KIF13B: variants seen among roughly 807,000 people sequenced by gnomAD.
KIF13B encodes kinesin-like protein KIF13B.
KIF13B carries 127 observed loss-of-function variants against 222.0 expected under a neutral mutation model. The observed-to-expected ratio is 0.57, with a 90% CI of 0.50 to 0.66. The LOEUF is 0.66. Among genes scored for constraint, KIF13B ranks in the 30% least tolerant of loss-of-function variants. The pLI, the probability that KIF13B is intolerant of heterozygous loss-of-function variation, is 0.00. For missense variants in KIF13B, 2,173 were observed against 2,379.0 expected, an observed-to-expected ratio of 0.91 and a Z score of 1.80; for synonymous variants, 976 against 919.0, an observed-to-expected ratio of 1.06 and a Z score of -1.12.
chr8:29,166,704 CA>C (rs67653605), intron 11 of KIF13B, among the ~76,000 whole-genome samples: 137 of 128,112 alleles, frequency 1.1e-3, no homozygotes, highest in African/African-American at 3.2e-3. Flanking sequence ...AACTCCACCT[CA>C]AAAAAAAAAA....
intron 38 of KIF13B, among the ~76,000 whole-genome samples, chr8:29,074,052 C>A (rs1316151998): frequency 6.6e-6 from 1 of 152,132 alleles, no homozygotes; most frequent in Non-Finnish European, 1.5e-5. Context: ...ACTATGAGAG[C>A]CGGGAATCTG....
intron 9 of KIF13B, 28 bp from the exon 10 acceptor site, chr8:29,176,207 T>G: frequency 7.6e-7 from 1 of 1,321,860 alleles, no homozygotes; most frequent in Non-Finnish European, 1.1e-6. Context: ...CCAAAATAAT[T>G]ACAAAAATGA....
rs193036436 is a variant in KIF13B at position 29,079,931 on chromosome 8, T to C, written c.4459-4588A>G. 1.1e-4 allele frequency among the ~76,000 whole-genome samples: 16 copies of C among 152,284 alleles called. No homozygotes were observed. In the East Asian group the frequency reaches 2.5e-3, roughly 24 times the overall value. On this transcript the variant is annotated intron_variant, in intron 37 of 39. Transcript: ENST00000524189. ...CAAATAGTTAGTAGCCAATCTTTCA[T>C]TTTCCTGCTGCTGAAGCGTGAAAAA... is the stretch of plus-strand genomic sequence containing the variant.
chr8:29,253,615 A>AT (rs570229670), intron 1 of KIF13B, among the ~76,000 whole-genome samples: 1 of 152,142 alleles, frequency 6.6e-6, no homozygotes, highest in South Asian at 2.1e-4. Flanking sequence ...AGAAACAGGT[A>AT]TTTAAAAAAC....
intron 10 of KIF13B, among the ~76,000 whole-genome samples, chr8:29,175,225 T>C (rs568226154): frequency 6.6e-6 from 1 of 152,150 alleles, no homozygotes; most frequent in Non-Finnish European, 1.5e-5. Context: ...CAGTCCGATA[T>C]CCAACTCACC....
At chr8:29,152,780 G>T (rs1040006053) in intron 14 of KIF13B, among the ~76,000 whole-genome samples, 1 of 152,236 alleles carries the variant, frequency 6.6e-6, no homozygotes. Flanking sequence ...GTCTTGCCAT[G>T]TTGGTCAGGC....
intron 36 of KIF13B, among the ~76,000 whole-genome samples, chr8:29,095,462 G>A (rs1180140279): frequency 6.6e-6 from 1 of 152,166 alleles, no homozygotes; most frequent in Non-Finnish European, 1.5e-5. Context: ...TCTCCAGGAG[G>A]ACTGTACTCT....
intron 12 of KIF13B, among the ~76,000 whole-genome samples, chr8:29,162,047 A>G (rs1811805833): frequency 6.6e-6 from 1 of 152,184 alleles, no homozygotes; most frequent in Non-Finnish European, 1.5e-5. Context: ...CTGAACCCAT[A>G]CAATATATGA....
intron 1 of KIF13B, among the ~76,000 whole-genome samples, chr8:29,247,228 A>AG (rs1203514975): frequency 6.6e-6 from 1 of 152,100 alleles, no homozygotes; most frequent in Non-Finnish European, 1.5e-5. Flanking sequence ...TCTAAAAAAA[A>AG]CAACAAAAAA....
At chr8:29,249,430 T>TAAAAA (rs770545452) in intron 1 of KIF13B, among the ~76,000 whole-genome samples, 5 of 118,742 alleles carry the variant, frequency 4.2e-5, no homozygotes, top group Non-Finnish European at 7.2e-5. Flanking sequence ...ACTCCGTCTT[T>TAAAAA]AAAAAAAAAA....
intron 36 of KIF13B, among the ~76,000 whole-genome samples, chr8:29,098,093 C>T (rs1430130351): frequency 6.9e-6 from 1 of 145,880 alleles, no homozygotes; most frequent in Non-Finnish European, 1.5e-5. Context: ...ATCACTTGAA[C>T]CCAGGAGGCA....
At chr8:29,147,066 CTTTG>C (rs892352085) in intron 17 of KIF13B, among the ~76,000 whole-genome samples, 1 of 152,180 alleles carries the variant, frequency 6.6e-6, no homozygotes, top group Admixed American at 6.5e-5. Context: ...AGATAACCAA[CTTTG>C]TTTTTCTAAA....
intron 30 of KIF13B, 91 bp downstream of exon 30, chr8:29,118,777 C>T: frequency 7.7e-7 from 1 of 1,304,220 alleles, no homozygotes; most frequent in Non-Finnish European, 1.1e-6. Flanking sequence ...ATGTAAAGTA[C>T]TGGCATGATT....
chr8:29,116,304 T>A (rs1261232744), intron 31 of KIF13B, among the ~76,000 whole-genome samples: 1 of 152,076 alleles, frequency 6.6e-6, no homozygotes, highest in Non-Finnish European at 1.5e-5. Context: ...CCCGTCTCCA[T>A]AAGGAATACA....
intron 13 of KIF13B, among the ~76,000 whole-genome samples, chr8:29,159,304 C>T (rs938608592): frequency 1.3e-5 from 2 of 152,142 alleles, no homozygotes; most frequent in Non-Finnish European, 2.9e-5. Flanking sequence ...GCATGTACCA[C>T]CACCCCGGCT....
chr8:29,216,590 C>T (rs1034003685), intron 2 of KIF13B, among the ~76,000 whole-genome samples: 1 of 151,318 alleles, frequency 6.6e-6, no homozygotes, highest in Non-Finnish European at 1.5e-5. Flanking sequence ...CAAAGTGAGA[C>T]TCTGTCTCAA....
rs190187607 is a variant in KIF13B at position 29,166,890 on chromosome 8, C to T, written c.1158+483G>A. 3.0e-3 allele frequency among the ~76,000 whole-genome samples: 452 copies of T among 152,226 alleles called. 3 individuals carry two copies. The highest frequency in any genetic ancestry group is 0.01 in the African/African-American group (434 of 41,520). ...ACCACTAAATACATGGGTACTTCTA[C>T]TACAAAATATTTTCTACAAACGTAA... is the stretch of plus-strand genomic sequence containing the variant. On this transcript the variant is annotated intron_variant, in intron 11 of 39. Transcript: ENST00000524189.
At chr8:29,085,291 T>C (rs1807991098) in intron 37 of KIF13B, among the ~76,000 whole-genome samples, 1 of 152,236 alleles carries the variant, frequency 6.6e-6, no homozygotes, top group Non-Finnish European at 1.5e-5. Flanking sequence ...GGGAGGGAAC[T>C]GAACATTCTT....
chr8:29,257,559 C>T (rs1816530504), intron 1 of KIF13B, among the ~76,000 whole-genome samples: 1 of 152,144 alleles, frequency 6.6e-6, no homozygotes, highest in Non-Finnish European at 1.5e-5. Flanking sequence ...GCCAATTAAA[C>T]AACATTGTAT....
Sources: allele counts gnomAD v4.1 joint callset (sites outside exome capture counted in the v4.1 genomes callset), GRCh38; gene constraint gnomAD v4.1.1; transcripts MANE v1.5; gene names NCBI Gene and HGNC (gene_info 2026-07-23, HGNC 2026-07-21).